The following KIF20B variants were observed in gnomAD, a reference collection of about 807,000 sequenced individuals.
KIF20B encodes the protein kinesin-like protein KIF20B.
A neutral mutation model predicts 232.5 loss-of-function variants in KIF20B; 188 were observed. The observed-to-expected ratio is 0.81, with a 90% CI of 0.72 to 0.91. KIF20B has a LOEUF of 0.91. Among genes scored for constraint, KIF20B ranks in the 40% least tolerant of loss-of-function variants. KIF20B has a pLI of 0.00. For missense variants in KIF20B, 2,154 were observed against 2,055.9 expected, an observed-to-expected ratio of 1.05 and a Z score of -0.92; for synonymous variants, 712 against 683.0, an observed-to-expected ratio of 1.04 and a Z score of -0.66.
At chr10:89,755,400 TCCCTCCCTCCTTTCCTTCCCTC>T (rs1481945986) in intron 26 of KIF20B, among the ~76,000 whole-genome samples, 2 of 133,190 alleles carry the variant, frequency 1.5e-5, no homozygotes, top group African/African-American at 5.6e-5. Flanking sequence ...CCTTGCTCCC[TCCCTCCCTCCTTTCCTTCCCTC>T]CCCTCCCCCC....
intron 19 of KIF20B, among the ~76,000 whole-genome samples, chr10:89,736,042 G>T (rs538402400): frequency 2.6e-5 from 4 of 152,120 alleles, no homozygotes; most frequent in East Asian, 3.9e-4. Context: ...AGTGAATGGC[G>T]GTCAGAAGAA....
intron 23 of KIF20B, among the ~76,000 whole-genome samples, chr10:89,751,111 C>T (rs1842012238): frequency 6.6e-6 from 1 of 152,066 alleles, no homozygotes; most frequent in Non-Finnish European, 1.5e-5. Flanking sequence ...CATTCATCCA[C>T]TCTTGCAATC....
In KIF20B at chr10:89,762,844, T is replaced by A; in HGVS notation, c.4989+9T>A. The A allele has an allele frequency of 6.4e-7, 1 of 1,568,826 alleles. No homozygotes were observed. On this transcript the variant is annotated intron_variant, in intron 29 of 32. Transcript: ENST00000371728. ...GTAATGAAATGGAGGAGGTAAATACTTAAGTGATGAGTAAATTTAATGAAC... is the reference window on the plus strand; with the variant it reads ...GTAATGAAATGGAGGAGGTAAATACATAAGTGATGAGTAAATTTAATGAAC...
Position 89,737,377 on chromosome 10 carries a change from A to T in KIF20B, c.2546-10A>T. On this transcript the variant is annotated splice_polypyrimidine_tract_variant and intron_variant, in intron 19 of 32. Coordinates refer to ENST00000371728, the MANE Select transcript of KIF20B (RefSeq NM_001284259.2). ...TTGCCAGATTAATAACAATTTTCTT[A>T]TTTTTAAAGGGTCTATCCATGTTAG... 6.8e-7 allele frequency: 1 copy of T among 1,464,402 alleles called. No homozygotes were observed. Among genetic ancestry groups the T allele is most frequent in the Non-Finnish European group, 9.0e-7 (1 of 1,110,260 alleles). 90.7% of individuals were successfully genotyped at this position (1,464,402 alleles called of 1,614,324 possible).
At chr10:89,714,020 A>G in intron 6 of KIF20B, 27 bp from the exon 7 acceptor site, 1 of 1,213,424 alleles carries the variant, frequency 8.2e-7, no homozygotes, top group Non-Finnish European at 1.1e-6. Context: ...ATGTTTTTTT[A>G]ATTTTTTAAA....
At chr10:89,714,847 A>G in intron 7 of KIF20B, 108 bp from the exon 8 acceptor site, 1 of 698,966 alleles carries the variant, frequency 1.4e-6, no homozygotes, top group African/African-American at 1.8e-5. Context: ...TGGTCAAAAG[A>G]TTAAGCATAC....
chr10:89,718,649 G>A, intron 11 of KIF20B, 61 bp from the exon 12 acceptor site: 6 of 1,281,196 alleles, frequency 4.7e-6, no homozygotes, highest in Non-Finnish European at 6.7e-6. Context: ...AAATGTCTCA[G>A]CACCCTGATT....
At position 89,737,438 on chromosome 10, in the gene KIF20B, A is replaced by C. The variant is rs79120882; in HGVS notation, c.2597A>C (p.Glu866Ala). The C allele has an allele frequency of 5.8e-4, 922 of 1,598,486 alleles. 12 individuals carry two copies. In the African/African-American group the frequency reaches 0.011, roughly 19 times the overall value. The change falls in exon 20 of 33, where the codon GAA becomes GCA. Residue 866 changes from glutamate to alanine, a missense_variant. Glu to Ala is a moderately radical substitution (Grantham distance 107). Coordinates refer to ENST00000371728, the MANE Select transcript of KIF20B (RefSeq NM_001284259.2). Reference sequence around the variant, plus strand: ...ACTGAAGACCAAAAGAAAAGTGAAGAAGTGCGACCGAACATTGCAGAAATT... The same window carrying C: ...ACTGAAGACCAAAAGAAAAGTGAAGCAGTGCGACCGAACATTGCAGAAATT... ...AITEDQKKSE[E>A]VRPNIAEIED...
In KIF20B at chr10:89,717,423, G is replaced by T; in HGVS notation, c.1053-1G>T. The T allele has an allele frequency of 6.4e-7, 1 of 1,553,882 alleles. No individual in the cohort carries two copies. The highest frequency in any genetic ancestry group is 8.8e-7 in the Non-Finnish European group (1 of 1,133,126). On this transcript the variant is annotated splice_acceptor_variant, in intron 9 of 32. Transcript: ENST00000371728. LOFTEE classifies it high-confidence loss of function. Reference sequence around the variant, plus strand: ...GATAACATTTGATCTTTGTATTTCAGTCACAGCATATTCACTGTTAAAATA... The same window carrying T: ...GATAACATTTGATCTTTGTATTTCATTCACAGCATATTCACTGTTAAAATA...
At chr10:89,708,458 G>A (rs990766876) in intron 2 of KIF20B, among the ~76,000 whole-genome samples, 14 of 152,204 alleles carry the variant, frequency 9.2e-5, no homozygotes, top group African/African-American at 3.4e-4. Context: ...TGATCCACCC[G>A]CCTCGGCCTC....
At chr10:89,754,375 G>T in intron 25 of KIF20B, 143 bp from the exon 26 acceptor site, 1 of 420,702 alleles carries the variant, frequency 2.4e-6, no homozygotes, top group Middle Eastern at 6.4e-4. Context: ...ATAATCTGAA[G>T]CTTTGATCTT....
At chr10:89,757,787 C>T (rs1045583672) in intron 26 of KIF20B, among the ~76,000 whole-genome samples, 1 of 150,806 alleles carries the variant, frequency 6.6e-6, no homozygotes, top group African/African-American at 2.4e-5. Flanking sequence ...AAATCATTTG[C>T]CCACGGGTTA....
chr10:89,766,682 G>A (rs754457970), intron 29 of KIF20B, among the ~76,000 whole-genome samples: 2 of 152,036 alleles, frequency 1.3e-5, no homozygotes, highest in African/African-American at 2.4e-5. Context: ...TTGAAGAGTA[G>A]TATATTTTCA....
chr10:89,772,379 T>C (rs761355259), intron 31 of KIF20B, among the ~76,000 whole-genome samples: 2 of 152,054 alleles, frequency 1.3e-5, no homozygotes, highest in Non-Finnish European at 2.9e-5. Flanking sequence ...CTCTTTTGCT[T>C]AACATAGCAT....
At position 89,739,101 on chromosome 10, in the gene KIF20B, G is replaced by T; in HGVS notation, c.3915+5G>T. 6.2e-7 allele frequency: 1 copy of T among 1,609,748 alleles called. No homozygotes were observed. The highest frequency in any genetic ancestry group is 8.5e-7 in the Non-Finnish European group (1 of 1,178,750). ...ATTAAGCAAGTACAGAAAGAGGTAGGTTATTTGAAAAGTTATGTGGCCAGT... is the reference window on the plus strand; with the variant it reads ...ATTAAGCAAGTACAGAAAGAGGTAGTTTATTTGAAAAGTTATGTGGCCAGT... On this transcript the variant is annotated splice_donor_5th_base_variant and intron_variant, in intron 21 of 32. Transcript: ENST00000371728.
intron 4 of KIF20B, among the ~76,000 whole-genome samples, chr10:89,709,666 A>G (rs1468402641): frequency 2.6e-5 from 4 of 151,230 alleles, no homozygotes; most frequent in African/African-American, 7.3e-5. Context: ...TTATTACTAT[A>G]TTTTTATTAA....
intron 23 of KIF20B, 121 bp from the exon 24 acceptor site, chr10:89,751,225 T>C (rs1326201): frequency 0.76 from 568,176 of 742,816 alleles, 219,663 homozygotes; most frequent in East Asian, 0.94. Flanking sequence ...AAAGTTTCTG[T>C]CTATATGGAA....
intron 27 of KIF20B, among the ~76,000 whole-genome samples, chr10:89,759,246 C>T (rs1403219487): frequency 6.6e-6 from 1 of 152,000 alleles, no homozygotes; most frequent in African/African-American, 2.4e-5. Context: ...ATTTTGAATA[C>T]TTGGGCCCAT....
intron 2 of KIF20B, among the ~76,000 whole-genome samples, chr10:89,708,433 A>G (rs1396062999): frequency 6.6e-6 from 1 of 151,904 alleles, no homozygotes; most frequent in Non-Finnish European, 1.5e-5. Flanking sequence ...CTGGTCTCGA[A>G]CTCCCGACCT....
Sources: allele counts gnomAD v4.1 joint callset (sites outside exome capture counted in the v4.1 genomes callset), GRCh38; gene constraint gnomAD v4.1.1; transcripts MANE v1.5; gene names NCBI Gene and HGNC (gene_info 2026-07-23, HGNC 2026-07-21).